Variants in AFG1L observed in about 807,000 individuals in gnomAD.
AFG1L encodes the protein AFG1 like ATPase, also known as AFG1-like ATPase.
A neutral mutation model predicts 62.2 loss-of-function variants in AFG1L; 53 were observed. The ratio of observed to expected loss-of-function variants is 0.85; its 90% CI spans 0.68 to 1.07. The LOEUF is 1.07. Among genes scored for constraint, AFG1L ranks in the 50% least tolerant of loss-of-function variants. The probability of loss-of-function intolerance (pLI) is 0.00; values close to 1 mark genes in which losing one functional copy is unlikely to be tolerated. For synonymous variants in AFG1L, 228 were observed against 210.3 expected (o/e 1.08, Z -0.73); for missense variants, 555 against 590.5 (o/e 0.94, Z 0.62).
intron 2 of AFG1L, among the ~76,000 whole-genome samples, chr6:108,345,586 C>G (rs1778835230): frequency 6.6e-6 from 1 of 152,060 alleles, no homozygotes; most frequent in African/African-American, 2.4e-5. Flanking sequence ...ATCTGACCAC[C>G]TTGGCCTCCC....
chr6:108,390,936 C>G (rs987208904), intron 6 of AFG1L, among the ~76,000 whole-genome samples: 1 of 152,190 alleles, frequency 6.6e-6, no homozygotes, highest in Non-Finnish European at 1.5e-5. Flanking sequence ...GTCGCTCACG[C>G]TGGGAGCTGT....
intron 2 of AFG1L, among the ~76,000 whole-genome samples, chr6:108,339,541 C>A (rs533684076): frequency 1.1e-4 from 17 of 150,498 alleles, no homozygotes; most frequent in African/African-American, 3.2e-4. Context: ...CTCACTGCAA[C>A]CTCCATCTAC....
chr6:108,366,589 T>C (rs1779770325), intron 6 of AFG1L, among the ~76,000 whole-genome samples: 1 of 151,002 alleles, frequency 6.6e-6, no homozygotes, highest in Admixed American at 6.6e-5. Flanking sequence ...TCCCTAAATA[T>C]TAGATATGTC....
At chr6:108,510,866 C>CA (rs1222366979) in intron 11 of AFG1L, among the ~76,000 whole-genome samples, 1 of 152,044 alleles carries the variant, frequency 6.6e-6, no homozygotes, top group Non-Finnish European at 1.5e-5. Context: ...CGCTTGAGGC[C>CA]AGGCGTTCAA....
intron 2 of AFG1L, among the ~76,000 whole-genome samples, chr6:108,344,400 A>T (rs1410914015): frequency 6.6e-6 from 1 of 152,178 alleles, no homozygotes; most frequent in Non-Finnish European, 1.5e-5. Context: ...GGCATGAGCC[A>T]TCGCGCCCAG....
At chr6:108,513,364 C>T (rs762645095) in intron 11 of AFG1L, among the ~76,000 whole-genome samples, 106 of 152,286 alleles carry the variant, frequency 7.0e-4, no homozygotes, top group African/African-American at 2.2e-3. Context: ...CCTTTCCTAG[C>T]GAAGGAAAGG....
chr6:108,423,325 C>G (rs892566701), intron 7 of AFG1L, among the ~76,000 whole-genome samples: 7 of 152,014 alleles, frequency 4.6e-5, no homozygotes, highest in Non-Finnish European at 8.8e-5. Context: ...AGTCTTGTTG[C>G]TTTTGAATGA....
At chr6:108,314,468 C>G (rs1777518987) in intron 1 of AFG1L, among the ~76,000 whole-genome samples, 1 of 150,860 alleles carries the variant, frequency 6.6e-6, no homozygotes, top group South Asian at 2.1e-4. Flanking sequence ...GCGATCTAGG[C>G]TCACTGCAAC....
At position 108,503,995 on chromosome 6, in the gene AFG1L, A is replaced by T. The variant is rs559219981; in HGVS notation, c.1063-6217A>T. Among the ~76,000 whole-genome samples the T allele has an allele frequency of 9.8e-5, 15 of 152,376 alleles. No homozygotes were observed. The South Asian group carries it at 2.3e-3, about 23-fold the overall frequency. On this transcript the variant is annotated intron_variant, in intron 10 of 12. Transcript: ENST00000368977. Reference sequence around the variant, plus strand: ...TCTTTCAATCTTCATGTAATTGAAGAGAGTCAGGGCCTTGCTCTGTGTTAG... The same window carrying T: ...TCTTTCAATCTTCATGTAATTGAAGTGAGTCAGGGCCTTGCTCTGTGTTAG...
At chr6:108,405,024 C>T (rs940557166) in intron 7 of AFG1L, among the ~76,000 whole-genome samples, 4 of 152,208 alleles carry the variant, frequency 2.6e-5, no homozygotes, top group African/African-American at 9.6e-5. Context: ...GCCACCACAC[C>T]TGGCCAGATT....
At chr6:108,385,048 A>G (rs1780703226) in intron 6 of AFG1L, among the ~76,000 whole-genome samples, 1 of 152,238 alleles carries the variant, frequency 6.6e-6, no homozygotes, top group Non-Finnish European at 1.5e-5. Flanking sequence ...CCAAATCTGA[A>G]ACACATAAAT....
intron 1 of AFG1L, among the ~76,000 whole-genome samples, chr6:108,318,611 A>G (rs901651893): frequency 6.6e-6 from 1 of 152,214 alleles, no homozygotes; most frequent in Admixed American, 6.5e-5. Flanking sequence ...AGGACACAAG[A>G]TATTGATTAA....
chr6:108,315,824 G>C (rs1462249757), intron 1 of AFG1L, among the ~76,000 whole-genome samples: 2 of 152,174 alleles, frequency 1.3e-5, no homozygotes, highest in Non-Finnish European at 2.9e-5. Flanking sequence ...AAGGCTGAAG[G>C]ATCGTTTGAG....
rs981962258 is a variant in AFG1L, at chr6:108,525,476, T to C, written c.*3051T>C. The C allele has an allele frequency of 2.0e-5, 3 of 152,242 alleles. No individual in the cohort carries two copies. Among genetic ancestry groups the C allele is most frequent in the South Asian group, 4.1e-4 (2 of 4,834 alleles). 9.4% of individuals were successfully genotyped at this position (152,242 alleles called of 1,614,324 possible). ...TCTTAAAGTATATTTCCTGTACTTA[T>C]AAGTGTGCAAATGACATAATTTTAA... On this transcript the variant is annotated 3_prime_UTR_variant, in exon 13 of 13. Coordinates refer to ENST00000368977, the MANE Select transcript of AFG1L (RefSeq NM_145315.5).
At chr6:108,425,576 AG>A (rs1163213298) in intron 7 of AFG1L, among the ~76,000 whole-genome samples, 1 of 152,192 alleles carries the variant, frequency 6.6e-6, no homozygotes, top group African/African-American at 2.4e-5. Context: ...TCTACAATCC[AG>A]ATTTCCTAGT....
intron 8 of AFG1L, among the ~76,000 whole-genome samples, chr6:108,458,992 C>T (rs1772355012): frequency 6.6e-6 from 1 of 152,098 alleles, no homozygotes; most frequent in Non-Finnish European, 1.5e-5. Context: ...CTAATTATTC[C>T]TGAAGCAATA....
At chr6:108,502,986 T>A (rs902897532) in intron 10 of AFG1L, among the ~76,000 whole-genome samples, 5 of 152,178 alleles carry the variant, frequency 3.3e-5, no homozygotes, top group Non-Finnish European at 5.9e-5. Flanking sequence ...AAGAAGCAAC[T>A]CCTTATCAGT....
intron 1 of AFG1L, among the ~76,000 whole-genome samples, chr6:108,303,915 A>G (rs1343110331): frequency 6.6e-6 from 1 of 152,222 alleles, no homozygotes; most frequent in Non-Finnish European, 1.5e-5. Context: ...GTTACTCAGT[A>G]TGCTGGGCCA....
intron 8 of AFG1L, among the ~76,000 whole-genome samples, chr6:108,461,739 A>G (rs1464085168): frequency 6.6e-6 from 1 of 152,198 alleles, no homozygotes; most frequent in African/African-American, 2.4e-5. Flanking sequence ...GATTACAGGC[A>G]TGAGCCACTG....
Sources: gnomAD v4.1 joint callset for allele counts (sites outside exome capture counted in the v4.1 genomes callset) on GRCh38, gnomAD v4.1.1 for gene constraint, MANE v1.5 for transcripts, NCBI Gene and HGNC (gene_info 2026-07-23, HGNC 2026-07-21) for gene names.